Variants in GNL2 observed in about 807,000 individuals in gnomAD.
GNL2 encodes nucleolar GTP-binding protein 2.
In GNL2, 51 loss-of-function variants were observed where a neutral mutation model predicts 92.3. The observed-to-expected ratio is 0.55, with a 90% CI of 0.44 to 0.70. GNL2 has a LOEUF of 0.70. Among genes scored for constraint, GNL2 ranks in the 30% least tolerant of loss-of-function variants. GNL2 has a pLI of 0.00. For missense variants in GNL2, 844 were observed against 895.6 expected (o/e 0.94, Z 0.74); for synonymous variants, 283 against 300.6 (o/e 0.94, Z 0.61).
chr1:37,571,912 A>G (rs566967187), intron 12 of GNL2, among the ~76,000 whole-genome samples: 2 of 151,964 alleles, frequency 1.3e-5, no homozygotes, highest in South Asian at 4.2e-4. Context: ...AAAACCTCCA[A>G]TGGCTTCCCA....
chr1:37,568,410 AC>A, intron 13 of GNL2, 53 bp from the exon 14 acceptor site: 1 of 1,162,130 alleles, frequency 8.6e-7, no homozygotes, highest in Non-Finnish European at 1.3e-6. Flanking sequence ...CGAATCACAT[AC>A]TGACCTGGAG....
chr1:37,576,539 T>C lies in GNL2; in HGVS notation c.927A>G (p.Lys309=). 1 of 1,613,946 alleles carries C rather than the reference T, an allele frequency of 6.2e-7. No individual in the cohort carries two copies. The highest frequency in any genetic ancestry group is 8.5e-7 in the Non-Finnish European group (1 of 1,179,828). ...AGCCAATGAACCCAACACTGATCTG[T>C]TTCTTGTCAGTGTGCAACTGTTCAA... The part of the protein sequence containing the change: ...RQFGKLHTDK[K]QISVGFIGYP... The change falls in exon 9 of 16, where the codon AAA becomes AAG. Residue 309 remains lysine, a synonymous_variant. Transcript: ENST00000373062.
intron 4 of GNL2, among the ~76,000 whole-genome samples, chr1:37,589,327 C>T (rs1411933097): frequency 1.3e-5 from 2 of 152,214 alleles, no homozygotes; most frequent in Admixed American, 6.5e-5. Context: ...TTATTTGAGA[C>T]GGAGTCTTGC....
Position 37,574,349 on chromosome 1 carries a change from G to T in GNL2, c.1410C>A (p.Ala470=). 6.2e-7 allele frequency: 1 copy of T among 1,612,306 alleles called. No homozygotes were observed. Residue 470 remains alanine (A), a synonymous_variant, in exon 12 of 16, where the codon GCC becomes GCA. Transcript: ENST00000373062. ...GGGCCCACCCTGCTCTTACCTGGGGGGCCACAAGTGGCTCTGCATTGGGTG... is the reference window on the plus strand; with the variant it reads ...GGGCCCACCCTGCTCTTACCTGGGGTGCCACAAGTGGCTCTGCATTGGGTG... ...VKPPNAEPLV[A]PQLLPSSSLE...
At chr1:37,587,266 C>CAA (rs11420067) in intron 5 of GNL2, 45 bp downstream of exon 5, 62,919 of 1,129,528 alleles carry the variant, frequency 0.056, 4 homozygotes, top group East Asian at 0.084. Context: ...GACTCCATCT[C>CAA]AAAAAAAAAA....
chr1:37,568,139 T>G (rs1023760229), intron 14 of GNL2, 136 bp downstream of exon 14: 4 of 636,118 alleles, frequency 6.3e-6, no homozygotes. Flanking sequence ...CATAACACTA[T>G]GTAAATTTAA....
At position 37,587,327 on chromosome 1, in the gene GNL2, CA is replaced by C. The variant is rs746495463; in HGVS notation, c.552del (p.Glu185LysfsTer5). The C allele has an allele frequency of 7.5e-6, 12 of 1,595,336 alleles. No homozygotes were observed. The Admixed American group carries it at 2.1e-4, about 28-fold the overall frequency. On this transcript the variant is annotated frameshift_variant, in exon 5 of 16. Transcript: ENST00000373062. LOFTEE classifies it high-confidence loss of function. ...AAAATGTACCTCACACCAGTGTCTT[CA>C]GTTACCAAATCACGATCCTTGCCCT... is the stretch of plus-strand genomic sequence containing the variant. ...YDQGKDRDLVTEDTGVRNEAQ... is the reference protein window; with the variant it reads ...YDQGKDRDLVXEDTGVRNEAQ...
intron 5 of GNL2, 133 bp from the exon 6 acceptor site, chr1:37,584,066 TA>T: frequency 1.5e-6 from 1 of 656,716 alleles, no homozygotes; most frequent in Non-Finnish European, 2.7e-6. Flanking sequence ...AAACTGAATT[TA>T]AAAAGTGTGC....
intron 4 of GNL2, among the ~76,000 whole-genome samples, chr1:37,589,471 A>AT (rs1227708675): frequency 2.6e-5 from 4 of 151,086 alleles, no homozygotes; most frequent in Non-Finnish European, 5.9e-5. Flanking sequence ...CGCCCGGCTA[A>AT]TTTTTTTTTG....
intron 1 of GNL2, chr1:37,594,174 C>T (rs898420642): frequency 1.6e-5 from 3 of 193,066 alleles, no homozygotes; most frequent in African/African-American, 7.0e-5. Context: ...ATATTATCCC[C>T]ATGCTGCGGA....
At chr1:37,567,043 A>AT in intron 15 of GNL2, 36 bp from the exon 16 acceptor site, 1 of 1,599,858 alleles carries the variant, frequency 6.3e-7, no homozygotes, top group East Asian at 2.2e-5. Flanking sequence ...AAGAAAAAAA[A>AT]CAACAAAACC....
chr1:37,571,289 T>C (rs980341483), intron 12 of GNL2, among the ~76,000 whole-genome samples: 6 of 152,300 alleles, frequency 3.9e-5, no homozygotes, highest in African/African-American at 1.2e-4. Context: ...TACTGACCAT[T>C]TGCATCCCCA....
At position 37,593,625 on chromosome 1, in the gene GNL2, C is replaced by T. The variant is rs1643901273; in HGVS notation, c.149+137G>A. On this transcript the variant is annotated intron_variant, in intron 2 of 15. Coordinates refer to ENST00000373062, the MANE Select transcript of GNL2 (RefSeq NM_013285.3). ...GTTAACACTTTATCCTAACGACACTCACGTACAATTATATTTGAGAATATA... is the reference window on the plus strand; with the variant it reads ...GTTAACACTTTATCCTAACGACACTTACGTACAATTATATTTGAGAATATA... The T allele has an allele frequency of 1.1e-5, 7 of 614,022 alleles. No homozygotes were observed. In the East Asian group the frequency reaches 2.0e-4, roughly 17 times the overall value. The allele number at this position is 614,022 out of a possible 1,614,324, so 38.0% of individuals were successfully genotyped here.
chr1:37,594,914 C>T (rs1456622108), intron 1 of GNL2, among the ~76,000 whole-genome samples: 1 of 152,212 alleles, frequency 6.6e-6, no homozygotes, highest in Non-Finnish European at 1.5e-5. Context: ...AGCCCATTGG[C>T]TCTCCTAACA....
rs536345307 is a variant in GNL2 at position 37,587,246 on chromosome 1, G to A, written c.569+65C>T. The A allele has an allele frequency of 4.9e-5, 61 of 1,237,258 alleles. No individual in the cohort carries two copies. The Middle Eastern group carries it at 1.2e-3, about 24-fold the overall frequency. The allele number at this position is 1,237,258 out of a possible 1,614,324, so 76.6% of individuals were successfully genotyped here. On this transcript the variant is annotated intron_variant, in intron 5 of 15. Coordinates refer to ENST00000373062, the MANE Select transcript of GNL2 (RefSeq NM_013285.3). ...CGCACCACTGCATTCCAGCCTGGGC[G>A]ACAAAGCAAGACTCCATCTCAAAAA... is the stretch of plus-strand genomic sequence containing the variant.
intron 8 of GNL2, among the ~76,000 whole-genome samples, chr1:37,579,821 G>A (rs1012919005): frequency 1.3e-5 from 2 of 148,942 alleles, no homozygotes; most frequent in Admixed American, 6.7e-5. Flanking sequence ...GCTTAAACCC[G>A]GGAGGCGGAG....
rs1643679377 is a variant in GNL2 at position 37,576,481 on chromosome 1, T to C, written c.985A>G (p.Thr329Ala). ...TTGCAAACTTTCTTAGAACGCAATG[T>C]ATTTATCACAGAGCTCTTGCCAACA... The part of the protein sequence containing the change: ...PNVGKSSVIN[T>A]LRSKKVCNVA... The change falls in exon 9 of 16, where the codon ACA becomes GCA. Residue 329 changes from threonine (T) to alanine (A), a missense_variant. Thr to Ala is a moderately conservative substitution (Grantham distance 58). Transcript: ENST00000373062. The C allele has an allele frequency of 6.2e-7, 1 of 1,614,102 alleles. No homozygotes were observed.
chr1:37,584,858 G>C (rs1052419475), intron 5 of GNL2, among the ~76,000 whole-genome samples: 31 of 151,778 alleles, frequency 2.0e-4, no homozygotes, highest in African/African-American at 6.8e-4. Context: ...TGAGGCAGTG[G>C]ATCATAAGGC....
chr1:37,579,895 CAAA>C (rs34353424), intron 8 of GNL2, among the ~76,000 whole-genome samples: 2 of 73,874 alleles, frequency 2.7e-5, no homozygotes, highest in Non-Finnish European at 5.1e-5. Context: ...GACTCTGCCT[CAAA>C]AAAAAAAAAA....
Sources: gnomAD v4.1 joint callset for allele counts (sites outside exome capture counted in the v4.1 genomes callset) on GRCh38, gnomAD v4.1.1 for gene constraint, MANE v1.5 for transcripts, NCBI Gene and HGNC (gene_info 2026-07-23, HGNC 2026-07-21) for gene names.